EPHA5: variants seen among roughly 807,000 people sequenced by gnomAD.
EPHA5 encodes ephrin type-A receptor 5.
In EPHA5, 60 loss-of-function variants were observed where a neutral mutation model predicts 105.0. The observed-to-expected ratio is 0.57, with a 90% CI of 0.46 to 0.71. The LOEUF (loss-of-function observed/expected upper bound fraction) is 0.71. Ranked by LOEUF, EPHA5 falls within the 30% of genes least tolerant of loss-of-function variation. The probability of loss-of-function intolerance (pLI) is 0.00; values close to 1 mark genes in which losing one functional copy is unlikely to be tolerated. For missense variants in EPHA5, 1,218 were observed against 1,274.7 expected (o/e 0.96, Z 0.68); for synonymous variants, 513 against 449.1 (o/e 1.14, Z -1.80).
At chr4:65,658,775 T>A (rs1164850487) in intron 1 of EPHA5, among the ~76,000 whole-genome samples, 1 of 152,102 alleles carries the variant, frequency 6.6e-6, no homozygotes, top group African/African-American at 2.4e-5. Context: ...ACAATTTTGC[T>A]ATACCTCAGC....
At chr4:65,387,305 T>A (rs2148945499) in intron 8 of EPHA5, among the ~76,000 whole-genome samples, 1 of 151,984 alleles carries the variant, frequency 6.6e-6, no homozygotes, top group Admixed American at 6.6e-5. Context: ...TGGAGCAGGA[T>A]CCAGTCACCA....
intron 5 of EPHA5, among the ~76,000 whole-genome samples, chr4:65,458,240 A>C (rs2149124464): frequency 6.6e-6 from 1 of 152,282 alleles, no homozygotes; most frequent in Admixed American, 6.5e-5. Context: ...TTTCATACGA[A>C]GAAATTGTAA....
intron 3 of EPHA5, among the ~76,000 whole-genome samples, chr4:65,518,160 G>A (rs532423496): frequency 6.8e-4 from 104 of 151,960 alleles, no homozygotes; most frequent in African/African-American, 2.2e-3. Context: ...CAAACTTAAT[G>A]TTTGACTTTT....
intron 11 of EPHA5, among the ~76,000 whole-genome samples, chr4:65,359,290 A>T (rs1371872454): frequency 6.6e-6 from 1 of 151,638 alleles, no homozygotes; most frequent in Non-Finnish European, 1.5e-5. Context: ...CTTCAGTTTT[A>T]AAGTTGTTTA....
intron 2 of EPHA5, among the ~76,000 whole-genome samples, chr4:65,635,136 T>C (rs1044704397): frequency 2.6e-5 from 3 of 115,062 alleles, no homozygotes; most frequent in East Asian, 2.6e-4. Context: ...GCTTCAAAAG[T>C]AAGCACAAAG....
intron 3 of EPHA5, among the ~76,000 whole-genome samples, chr4:65,574,709 CATATATATATACAT>C (rs1740687101): frequency 1.2e-4 from 8 of 67,782 alleles, no homozygotes; most frequent in African/African-American, 4.1e-4. Flanking sequence ...CATATATATA[CATATATATATACAT>C]ATATATACAT....
At chr4:65,565,887 G>C (rs12642347) in intron 3 of EPHA5, among the ~76,000 whole-genome samples, 55,025 of 151,168 alleles carry the variant, frequency 0.36, 10,471 homozygotes, top group East Asian at 0.51. Context: ...ACTTTGAATA[G>C]GAAATAAACT....
At chr4:65,388,432 C>T (rs569781467) in intron 8 of EPHA5, among the ~76,000 whole-genome samples, 19 of 150,950 alleles carry the variant, frequency 1.3e-4, no homozygotes, top group Admixed American at 1.2e-3. Context: ...ACAGTCCCAC[C>T]AACAGTGTAA....
chr4:65,349,837 T>C (rs1313286315), intron 13 of EPHA5, among the ~76,000 whole-genome samples: 1 of 152,166 alleles, frequency 6.6e-6, no homozygotes, highest in Non-Finnish European at 1.5e-5. Flanking sequence ...AATATTCCTT[T>C]TAGAATTGTC....
intron 5 of EPHA5, among the ~76,000 whole-genome samples, chr4:65,475,372 A>G (rs1560580181): frequency 6.6e-6 from 1 of 152,210 alleles, no homozygotes; most frequent in Non-Finnish European, 1.5e-5. Context: ...AACATGCTGC[A>G]TAAAAAATCC....
Position 65,367,359 on chromosome 4 carries a change from T to C in EPHA5, c.1859A>G (p.His620Arg). ...EEEKMHFHNG[H>R]IKLPGVRTYI... ...TTTATTTTTTACAATTTGCTTACTG[T>C]GCCCATTATGAAAATGCATCTTTTC... The change falls in exon 9 of 17, where the codon CAC (histidine) becomes CGC (arginine). Residue 620 changes from histidine (H) to arginine (R), a missense_variant and splice_region_variant. By Grantham distance (29) the His-to-Arg change is conservative. Coordinates refer to ENST00000613740, the MANE Select transcript of EPHA5 (RefSeq NM_001281766.3). The C allele has an allele frequency of 1.2e-6, 2 of 1,610,840 alleles. No individual in the cohort carries two copies. Among genetic ancestry groups the C allele is most frequent in the Non-Finnish European group, 1.7e-6 (2 of 1,178,718 alleles).
intron 14 of EPHA5, among the ~76,000 whole-genome samples, chr4:65,346,628 T>A (rs1425683875): frequency 6.6e-6 from 1 of 151,976 alleles, no homozygotes; most frequent in Non-Finnish European, 1.5e-5. Context: ...AATTGACAAA[T>A]GGGATCTAAT....
chr4:65,353,112 A>C lies in EPHA5; in HGVS notation c.2174-9T>G. 1 of 1,543,210 alleles carries C rather than the reference A, an allele frequency of 6.5e-7. No individual in the cohort carries two copies. Among genetic ancestry groups the C allele is most frequent in the Non-Finnish European group, 8.7e-7 (1 of 1,146,022 alleles). On this transcript the variant is annotated splice_polypyrimidine_tract_variant and intron_variant, in intron 11 of 16. Transcript: ENST00000613740. The stretch of plus-strand genomic sequence containing the variant: ...GATCATCACTGGTTTACCTGAAAAG[A>C]AAACAGAGTGATATAACCTGCTGCT...
chr4:65,337,936 A>G (rs1721338835), intron 14 of EPHA5, among the ~76,000 whole-genome samples: 1 of 152,150 alleles, frequency 6.6e-6, no homozygotes, highest in Non-Finnish European at 1.5e-5. Context: ...AAGTCCTAAG[A>G]GCAGCCTACT....
intron 2 of EPHA5, among the ~76,000 whole-genome samples, chr4:65,606,484 G>T (rs2149449096): frequency 6.6e-6 from 1 of 152,114 alleles, no homozygotes; most frequent in South Asian, 2.1e-4. Context: ...AATTAGAAAG[G>T]TTTATAAAAG....
intron 9 of EPHA5, 137 bp downstream of exon 9, chr4:65,367,220 A>G: frequency 1.4e-6 from 1 of 708,928 alleles, no homozygotes; most frequent in South Asian, 2.1e-5. Context: ...CAGGAATGTA[A>G]CAAATAGAAC....
chr4:65,558,185 T>G (rs1738647897), intron 3 of EPHA5, among the ~76,000 whole-genome samples: 1 of 152,240 alleles, frequency 6.6e-6, no homozygotes, highest in Non-Finnish European at 1.5e-5. Flanking sequence ...CCCAAAATTC[T>G]TAATCTGTAG....
At chr4:65,461,473 T>C (rs764884082) in intron 5 of EPHA5, among the ~76,000 whole-genome samples, 2 of 152,050 alleles carry the variant, frequency 1.3e-5, no homozygotes, top group Non-Finnish European at 2.9e-5. Context: ...GATATACAAA[T>C]TTACTACCAT....
chr4:65,508,154 G>A (rs995174389), intron 3 of EPHA5, among the ~76,000 whole-genome samples: 1 of 152,006 alleles, frequency 6.6e-6, no homozygotes, highest in South Asian at 2.1e-4. Flanking sequence ...TGATAGGTAG[G>A]GTGCACAGTT....
Sources: gnomAD v4.1 joint callset for allele counts (sites outside exome capture counted in the v4.1 genomes callset) on GRCh38, gnomAD v4.1.1 for gene constraint, MANE v1.5 for transcripts, NCBI Gene and HGNC (gene_info 2026-07-23, HGNC 2026-07-21) for gene names.